The following EFNA3 variants were observed in gnomAD, a reference collection of about 807,000 sequenced individuals.
EFNA3 encodes ephrin A3.
In EFNA3, 15 loss-of-function variants were observed where a neutral mutation model predicts 25.0. The ratio of observed to expected loss-of-function variants is 0.60; its 90% confidence interval spans 0.40 to 0.92. The LOEUF is 0.92. Among genes scored for constraint, EFNA3 ranks in the 40% least tolerant of loss-of-function variants. The pLI, the probability that EFNA3 is intolerant of heterozygous loss-of-function variation, is 0.00. For synonymous variants in EFNA3, 153 were observed against 145.6 expected (o/e 1.05, Z -0.37); for missense variants, 298 against 323.8 (o/e 0.92, Z 0.61).
chr1:155,085,053 G>C lies in EFNA3; in HGVS notation c.129-38G>C. The stretch of plus-strand genomic sequence containing the variant: ...TCAGATGGAAAGCGGCTTTGCTCTG[G>C]GGTTTCTTCTCTCTGAGCCGCTTCC... On this transcript the variant is annotated intron_variant, in intron 1 of 4. Transcript: ENST00000368408. This position sits in a 1 kb window ranked among gnomAD's most constrained non-coding sequence, Gnocchi z 4.4. 6.2e-7 allele frequency: 1 copy of C among 1,606,386 alleles called. No homozygotes were observed. The highest frequency in any genetic ancestry group is 8.5e-7 in the Non-Finnish European group (1 of 1,176,464).
At position 155,080,741 on chromosome 1, in the gene EFNA3, G is replaced by C. The variant is rs1265414375; in HGVS notation, c.128+1672G>C. Among the ~76,000 whole-genome samples, 2 of 152,314 alleles carry C rather than the reference G, an allele frequency of 1.3e-5. No homozygotes were observed. The highest frequency in any genetic ancestry group is 2.9e-5 in the Non-Finnish European group (2 of 67,998). Reference sequence around the variant, plus strand: ...GGGCGCAGGTGAAAGCTCAGGGAGCGGGTGGGGGAGCCCGGGTTCCGGGAG... The same window carrying C: ...GGGCGCAGGTGAAAGCTCAGGGAGCCGGTGGGGGAGCCCGGGTTCCGGGAG... On this transcript the variant is annotated intron_variant, in intron 1 of 4. Transcript: ENST00000368408. This position sits in a 1 kb window ranked among gnomAD's most constrained non-coding sequence, Gnocchi z 7.0.
In EFNA3 at chr1:155,086,613, C is replaced by G; in HGVS notation, c.*70C>G. On this transcript the variant is annotated 3_prime_UTR_variant, in exon 5 of 5. Coordinates refer to ENST00000368408, the MANE Select transcript of EFNA3 (RefSeq NM_004952.5). The stretch of plus-strand genomic sequence containing the variant: ...AAGGAGCAGGGAGCCTTTGGCCTCT[C>G]CAAGGGAAGCCTAGTGGGCCTAGAC... 6.3e-7 allele frequency: 1 copy of G among 1,578,982 alleles called. No homozygotes were observed.
Position 155,085,220 on chromosome 1 carries a change from C to A in EFNA3, c.258C>A (p.Tyr86Ter). ...GGCCCGGAGGCGGGGCAGAGCAGTA[C>A]GTGCTGTACATGGTGAGCCGCAACG... is the stretch of plus-strand genomic sequence containing the variant. ...GPGPGGGAEQ[Y>*]VLYMVSRNGY... Residue 86 changes from tyrosine (Y) to a stop codon, truncating the protein, a stop_gained, in exon 2 of 5, where the codon TAC becomes TAA. Transcript: ENST00000368408. LOFTEE classifies it high-confidence loss of function. The surrounding 1 kb of genome is among the most constrained non-coding windows in gnomAD (Gnocchi z 4.4). 6.2e-7 allele frequency: 1 copy of A among 1,613,110 alleles called. No homozygotes were observed. Among genetic ancestry groups the A allele is most frequent in the Non-Finnish European group, 8.5e-7 (1 of 1,179,812 alleles).
At chr1:155,083,045 A>T in intron 1 of EFNA3, among the ~76,000 whole-genome samples, 1 of 152,200 alleles carries the variant, frequency 6.6e-6, no homozygotes, top group East Asian at 1.9e-4. Context: ...CCAGCGCAGG[A>T]GTACATAACA....
intron 1 of EFNA3, among the ~76,000 whole-genome samples, chr1:155,082,032 T>C (rs2102451927): frequency 6.6e-6 from 1 of 152,262 alleles, no homozygotes; most frequent in Admixed American, 6.5e-5. Context: ...CGCCCAGACC[T>C]GGGCTGTCCA....
intron 1 of EFNA3, among the ~76,000 whole-genome samples, chr1:155,084,810 T>C (rs1663418189): frequency 1.3e-5 from 2 of 152,208 alleles, no homozygotes; most frequent in Admixed American, 1.3e-4. Flanking sequence ...CCCCTCTCCC[T>C]CGCCTCCTTT....
chr1:155,085,859 G>A lies in EFNA3; in HGVS notation c.443-18G>A, dbSNP rs761735385. The A allele has an allele frequency of 6.2e-7, 1 of 1,612,490 alleles. No individual in the cohort carries two copies. ...CACACATTGGGCGAAAGTGACTCAG[G>A]CCCGGTCTCCTCCCCAGCCACGCCC... is the stretch of plus-strand genomic sequence containing the variant. On this transcript the variant is annotated intron_variant, in intron 2 of 4. Transcript: ENST00000368408. This position sits in a 1 kb window ranked among gnomAD's most constrained non-coding sequence, Gnocchi z 4.4.
intron 1 of EFNA3, among the ~76,000 whole-genome samples, chr1:155,083,479 G>C (rs1278752758): frequency 2.0e-5 from 3 of 152,230 alleles, no homozygotes; most frequent in Non-Finnish European, 4.4e-5. Context: ...GGCAAGGGAG[G>C]GGCCTGAGTG....
At position 155,085,034 on chromosome 1, in the gene EFNA3, G is replaced by A. The variant is rs1663423853; in HGVS notation, c.129-57G>A. The A allele has an allele frequency of 2.5e-6, 4 of 1,581,044 alleles. No homozygotes were observed. Among genetic ancestry groups the A allele is most frequent in the South Asian group, 2.3e-5 (2 of 88,142 alleles). On this transcript the variant is annotated intron_variant, in intron 1 of 4. Coordinates refer to ENST00000368408, the MANE Select transcript of EFNA3 (RefSeq NM_004952.5). This position sits in a 1 kb window ranked among gnomAD's most constrained non-coding sequence, Gnocchi z 4.4. Reference sequence around the variant, plus strand: ...GGGAGGGGCTGCGGAGCGGTCAGATGGAAAGCGGCTTTGCTCTGGGGTTTC... The same window carrying A: ...GGGAGGGGCTGCGGAGCGGTCAGATAGAAAGCGGCTTTGCTCTGGGGTTTC...
Position 155,079,821 on chromosome 1 carries a change from C to A in EFNA3, c.128+752C>A, listed in dbSNP as rs1166551426. On this transcript the variant is annotated intron_variant, in intron 1 of 4. Coordinates refer to ENST00000368408, the MANE Select transcript of EFNA3 (RefSeq NM_004952.5). This position sits in a 1 kb window ranked among gnomAD's most constrained non-coding sequence, Gnocchi z 7.7. ...TCTGAGTGTGTGATTTGTGTGTCTG[C>A]GTCGGCGATCGTCTGGGGGTGGGAG... Among the ~76,000 whole-genome samples, 1 of 151,850 alleles carries A rather than the reference C, an allele frequency of 6.6e-6. No individual in the cohort carries two copies. The highest frequency in any genetic ancestry group is 1.5e-5 in the Non-Finnish European group (1 of 67,960).
In EFNA3 at chr1:155,079,942, G is replaced by T. The variant is rs1663309810; in HGVS notation, c.128+873G>T. 2.6e-5 allele frequency among the ~76,000 whole-genome samples: 4 copies of T among 152,106 alleles called. No homozygotes were observed. Among genetic ancestry groups the T allele is most frequent in the Admixed American group, 2.6e-4 (4 of 15,280 alleles). On this transcript the variant is annotated intron_variant, in intron 1 of 4. Transcript: ENST00000368408. This position sits in a 1 kb window ranked among gnomAD's most constrained non-coding sequence, Gnocchi z 7.7. The stretch of plus-strand genomic sequence containing the variant: ...GTTGGCGCCGCCGCGGTCTGGGCGG[G>T]TGTCAGGGCGGCCGTGTGGTTTCCC...
Position 155,081,111 on chromosome 1 carries a change from T to A in EFNA3, c.128+2042T>A, listed in dbSNP as rs183726290. 2.0e-5 allele frequency among the ~76,000 whole-genome samples: 3 copies of A among 151,976 alleles called. No individual in the cohort carries two copies. In the South Asian group the frequency reaches 6.3e-4, roughly 32 times the overall value. On this transcript the variant is annotated intron_variant, in intron 1 of 4. Coordinates refer to ENST00000368408, the MANE Select transcript of EFNA3 (RefSeq NM_004952.5). The surrounding 1 kb of genome is among the most constrained non-coding windows in gnomAD (Gnocchi z 5.2). ...GCCCCTTGGGGTCACGTGGGGAGGG[T>A]CTTGCGACCCCGCCTCCTGGGGGGG... is the stretch of plus-strand genomic sequence containing the variant.
chr1:155,079,968 G>A lies in EFNA3; in HGVS notation c.128+899G>A, dbSNP rs1428680696. ...TGTCAGGGCGGCCGTGTGGTTTCCC[G>A]GGGTGTGTGGCGCGGTGGCCGGGTG... On this transcript the variant is annotated intron_variant, in intron 1 of 4. Coordinates refer to ENST00000368408, the MANE Select transcript of EFNA3 (RefSeq NM_004952.5). The surrounding 1 kb of genome is among the most constrained non-coding windows in gnomAD (Gnocchi z 7.7). 6.6e-6 allele frequency among the ~76,000 whole-genome samples: 1 copy of A among 152,030 alleles called. No homozygotes were observed. The highest frequency in any genetic ancestry group is 2.4e-5 in the African/African-American group (1 of 41,388).
chr1:155,086,219 G>T lies in EFNA3; in HGVS notation c.586+14G>T. On this transcript the variant is annotated intron_variant, in intron 4 of 4. Coordinates refer to ENST00000368408, the MANE Select transcript of EFNA3 (RefSeq NM_004952.5). ...TCAACGTGCTGGGTGAGTCTGCGCA[G>T]CGCCCTCTGGTGGCCACTGCTGGAA... 6.2e-7 allele frequency: 1 copy of T among 1,613,532 alleles called. No individual in the cohort carries two copies. The highest frequency in any genetic ancestry group is 8.5e-7 in the Non-Finnish European group (1 of 1,179,708).
chr1:155,084,995 C>G (rs1157407813), intron 1 of EFNA3, 96 bp from the exon 2 acceptor site: 3 of 1,412,256 alleles, frequency 2.1e-6, no homozygotes, highest in Admixed American at 4.0e-5. Context: ...AGTCGGAAGG[C>G]TACGCGGACC....
rs1193512829 is a variant in EFNA3, at chr1:155,086,711, G to C, written c.*168G>C. On this transcript the variant is annotated 3_prime_UTR_variant, in exon 5 of 5. Coordinates refer to ENST00000368408, the MANE Select transcript of EFNA3 (RefSeq NM_004952.5). ...CGCCCCCTCTACCCCTTCCCCCCAC[G>C]TAGGGCACTGTAGTGGACCAAGCAC... The C allele has an allele frequency of 7.4e-6, 6 of 808,482 alleles. No homozygotes were observed. In the East Asian group the frequency reaches 1.6e-4, roughly 22 times the overall value. The allele number at this position is 808,482 out of a possible 1,614,324, so 50.1% of individuals were successfully genotyped here.
rs1032831345 is a variant in EFNA3, at chr1:155,080,199, C to G, written c.128+1130C>G. On this transcript the variant is annotated intron_variant, in intron 1 of 4. Transcript: ENST00000368408. This position sits in a 1 kb window ranked among gnomAD's most constrained non-coding sequence, Gnocchi z 7.0. ...GCCTCTGGCTGCCCACCCCAGGGACCGACCGACCAGGGAGCAAATGGCCAG... is the reference window on the plus strand; with the variant it reads ...GCCTCTGGCTGCCCACCCCAGGGACGGACCGACCAGGGAGCAAATGGCCAG... 6.6e-6 allele frequency among the ~76,000 whole-genome samples: 1 copy of G among 152,112 alleles called. No homozygotes were observed. The highest frequency in any genetic ancestry group is 1.9e-4 in the East Asian group (1 of 5,186).
chr1:155,085,184 G>T lies in EFNA3; in HGVS notation c.222G>T (p.Gly74=). The T allele has an allele frequency of 6.2e-7, 1 of 1,612,866 alleles. No homozygotes were observed. Among genetic ancestry groups the T allele is most frequent in the South Asian group, 1.1e-5 (1 of 91,026 alleles). The change falls in exon 2 of 5, where the codon GGG becomes GGT. Residue 74 remains glycine, a synonymous_variant. Transcript: ENST00000368408. The surrounding 1 kb of genome is among the most constrained non-coding windows in gnomAD (Gnocchi z 4.4). The part of the protein sequence containing the change: ...PHYNSSGVGP[G]AGPGPGGGAE... ...ACAACAGCTCGGGGGTGGGCCCCGG[G>T]GCGGGACCGGGGCCCGGAGGCGGGG...
rs1553268598 is a variant in EFNA3, at chr1:155,085,013, G to A, written c.129-78G>A. The A allele has an allele frequency of 2.6e-6, 4 of 1,515,446 alleles. No homozygotes were observed. Among genetic ancestry groups the A allele is most frequent in the East Asian group, 4.5e-5 (2 of 44,086 alleles). 93.9% of individuals were successfully genotyped at this position (1,515,446 alleles called of 1,614,324 possible). A position where few individuals can be genotyped will look rare whatever the true frequency, so the allele number is the denominator to read the frequency against. ...CGGAAGGCTACGCGGACCCTGGGGA[G>A]GGGCTGCGGAGCGGTCAGATGGAAA... On this transcript the variant is annotated intron_variant, in intron 1 of 4. Coordinates refer to ENST00000368408, the MANE Select transcript of EFNA3 (RefSeq NM_004952.5). This position sits in a 1 kb window ranked among gnomAD's most constrained non-coding sequence, Gnocchi z 4.4.
Sources: gnomAD v4.1 joint callset for allele counts (sites outside exome capture counted in the v4.1 genomes callset) on GRCh38, gnomAD v4.1.1 for gene constraint, Gnocchi (gnomAD v3.1) non-coding constraint, MANE v1.5 for transcripts, NCBI Gene and HGNC (gene_info 2026-07-23, HGNC 2026-07-21) for gene names.